JKAMP: variants seen among roughly 807,000 people sequenced by gnomAD.
JKAMP encodes JNK1/MAPK8-associated membrane protein.
In JKAMP, 20 loss-of-function variants were observed where a neutral mutation model predicts 40.2. The ratio of observed to expected loss-of-function variants is 0.50; its 90% CI spans 0.35 to 0.72. JKAMP has a LOEUF of 0.72. Ranked by LOEUF, JKAMP falls within the 30% of genes least tolerant of loss-of-function variation. The pLI, the probability that JKAMP is intolerant of heterozygous loss-of-function variation, is 0.01. For missense variants in JKAMP, 276 were observed against 373.0 expected, an observed-to-expected ratio of 0.74 and a Z score of 2.14; for synonymous variants, 138 against 131.6, an observed-to-expected ratio of 1.05 and a Z score of -0.33.
Position 59,495,242 on chromosome 14 carries a change from C to G in JKAMP, c.458+18C>G, listed in dbSNP as rs769810040. The G allele has an allele frequency of 6.6e-7, 1 of 1,510,936 alleles. No individual in the cohort carries two copies. Among genetic ancestry groups the G allele is most frequent in the South Asian group, 1.1e-5 (1 of 87,966 alleles). 93.6% of individuals were successfully genotyped at this position (1,510,936 alleles called of 1,614,324 possible). A position where few individuals can be genotyped will look rare whatever the true frequency, so the allele number is the denominator to read the frequency against. ...TACCCACTGTAAGTGTTTATTTCGACTTAAGATCATTGTTTTTTTTTAAAT... is the reference window on the plus strand; with the variant it reads ...TACCCACTGTAAGTGTTTATTTCGAGTTAAGATCATTGTTTTTTTTTAAAT... On this transcript the variant is annotated intron_variant, in intron 4 of 6. Transcript: ENST00000616435.
At chr14:59,490,233 T>G (rs79456433) in intron 3 of JKAMP, among the ~76,000 whole-genome samples, 9,470 of 152,212 alleles carry the variant, frequency 0.062, 391 homozygotes, top group Middle Eastern at 0.11. Context: ...CCAGGATCTT[T>G]TAAACAACCA....
intron 3 of JKAMP, among the ~76,000 whole-genome samples, chr14:59,488,882 AAAC>A (rs145700229): frequency 0.011 from 1,707 of 152,386 alleles, 29 homozygotes; most frequent in African/African-American, 0.039. Context: ...ACTAAAAACA[AAAC>A]AACAACAACA....
rs540232394 is a variant in JKAMP, at chr14:59,485,242, T to C, written c.4+649T>C. 2.1e-5 allele frequency: 21 copies of C among 977,616 alleles called. 1 individual carries two copies. In the South Asian group the frequency reaches 3.4e-4, roughly 16 times the overall value. 60.6% of individuals were successfully genotyped at this position (977,616 alleles called of 1,614,324 possible). ...AAGCATCTACTAGATGTAAAGCCCA[T>C]ACAGAAGTTTCCAATTCCTTACCTT... On this transcript the variant is annotated intron_variant, in intron 1 of 6. Transcript: ENST00000616435.
At chr14:59,502,557 A>G (rs1891959249) in intron 6 of JKAMP, among the ~76,000 whole-genome samples, 1 of 152,186 alleles carries the variant, frequency 6.6e-6, no homozygotes, top group Non-Finnish European at 1.5e-5. Flanking sequence ...GGAACTAGAC[A>G]GAATATTTTT....
intron 4 of JKAMP, among the ~76,000 whole-genome samples, chr14:59,496,379 G>A (rs1397250449): frequency 6.6e-6 from 1 of 151,534 alleles, no homozygotes; most frequent in Admixed American, 6.6e-5. Context: ...CTCTCCTAAG[G>A]CCTTGCATAA....
At chr14:59,492,654 C>G (rs1446958210) in intron 3 of JKAMP, among the ~76,000 whole-genome samples, 1 of 152,176 alleles carries the variant, frequency 6.6e-6, no homozygotes, top group African/African-American at 2.4e-5. Context: ...ACATTCTATC[C>G]TTATCAGGCT....
chr14:59,489,876 G>A (rs1031506158), intron 3 of JKAMP, among the ~76,000 whole-genome samples: 2 of 106,898 alleles, frequency 1.9e-5, no homozygotes, highest in African/African-American at 1.1e-4. Context: ...GGGGGAGGAG[G>A]TACCTCTTTC....
intron 3 of JKAMP, among the ~76,000 whole-genome samples, chr14:59,494,259 A>G (rs529147670): frequency 1.7e-5 from 2 of 118,926 alleles, no homozygotes; most frequent in South Asian, 2.2e-4. Context: ...AGGCTTCACA[A>G]AGAAAGTGAA....
chr14:59,503,767 A>C, intron 6 of JKAMP, 87 bp from the exon 7 acceptor site: 1 of 768,056 alleles, frequency 1.3e-6, no homozygotes, highest in South Asian at 1.9e-5. Flanking sequence ...TAAATAATAC[A>C]TTTTATATTA....
At chr14:59,501,086 T>G in intron 5 of JKAMP, 105 bp from the exon 6 acceptor site, 2 of 715,446 alleles carry the variant, frequency 2.8e-6, no homozygotes, top group Non-Finnish European at 4.6e-6. Flanking sequence ...CAGAACTGGT[T>G]GAGAAAGGAT....
At chr14:59,498,461 A>G (rs1677396004) in intron 4 of JKAMP, among the ~76,000 whole-genome samples, 2 of 152,262 alleles carry the variant, frequency 1.3e-5, no homozygotes, top group East Asian at 1.9e-4. Flanking sequence ...ATAAATTTCT[A>G]CAGGTAAAAT....
At chr14:59,493,542 A>G (rs1016935854) in intron 3 of JKAMP, among the ~76,000 whole-genome samples, 1 of 152,260 alleles carries the variant, frequency 6.6e-6, no homozygotes, top group Non-Finnish European at 1.5e-5. Flanking sequence ...TAATGGAAAC[A>G]GTGTTCAAGT....
intron 4 of JKAMP, among the ~76,000 whole-genome samples, chr14:59,495,691 C>T (rs1463680252): frequency 6.6e-6 from 1 of 152,086 alleles, no homozygotes; most frequent in Non-Finnish European, 1.5e-5. Context: ...GAATCAAATT[C>T]ATTTTGATAT....
In JKAMP at chr14:59,505,313, TCTCTG is replaced by T. The variant is rs780132973; in HGVS notation, c.*1242_*1246del. The T allele has an allele frequency of 8.9e-6, 13 of 1,458,764 alleles. No homozygotes were observed. The South Asian group carries it at 1.4e-4, about 16-fold the overall frequency. 90.4% of individuals were successfully genotyped at this position (1,458,764 alleles called of 1,614,324 possible). On this transcript the variant is annotated 3_prime_UTR_variant, in exon 7 of 7. Coordinates refer to ENST00000616435, the MANE Select transcript of JKAMP (RefSeq NM_016475.5). Reference sequence around the variant, plus strand: ...ACCCTTGTACGAATGTGTTTCTTCTTCTCTGTAGGAATAAAAAATAAATATAAAAA... The same window carrying T: ...ACCCTTGTACGAATGTGTTTCTTCTTTAGGAATAAAAAATAAATATAAAAA...
intron 1 of JKAMP, 170 bp downstream of exon 1, chr14:59,484,763 T>C: frequency 1.0e-6 from 1 of 975,722 alleles, no homozygotes; most frequent in South Asian, 1.6e-5. Flanking sequence ...GGGGTTGGGG[T>C]GGTCTGTCCG....
chr14:59,504,003 T>G lies in JKAMP; in HGVS notation c.867T>G (p.Leu289=). 6.2e-7 allele frequency: 1 copy of G among 1,613,782 alleles called. No homozygotes were observed. The highest frequency in any genetic ancestry group is 8.5e-7 in the Non-Finnish European group (1 of 1,179,746). The change falls in exon 7 of 7, where the codon CTT becomes CTG. Residue 289 remains leucine, a synonymous_variant. Transcript: ENST00000616435. The stretch of plus-strand genomic sequence containing the variant: ...TGGCTTTGGTACCTACACCAGCCCT[T>G]TTTTACTTGTTCACTGCAAAATTTA... The part of the protein sequence containing the change: ...PLLALVPTPA[L]FYLFTAKFTE...
At chr14:59,489,859 G>A (rs2139867156) in intron 3 of JKAMP, among the ~76,000 whole-genome samples, 1 of 149,018 alleles carries the variant, frequency 6.7e-6, no homozygotes, top group Middle Eastern at 3.4e-3. Flanking sequence ...GGAACCACAT[G>A]GTGATAGGGG....
At chr14:59,489,529 G>A (rs1006706719) in intron 3 of JKAMP, among the ~76,000 whole-genome samples, 1 of 152,148 alleles carries the variant, frequency 6.6e-6, no homozygotes, top group Non-Finnish European at 1.5e-5. Context: ...GATGTTCCAC[G>A]CTTTCCCTCA....
rs1891642698 is a variant in JKAMP, at chr14:59,498,865, C to T, written c.597C>T (p.Phe199=). The T allele has an allele frequency of 1.2e-6, 2 of 1,611,668 alleles. No individual in the cohort carries two copies. The highest frequency in any genetic ancestry group is 2.2e-5 in the East Asian group (1 of 44,802). ...GTATTTATGCTGCACTTTACTTCTT[C>T]CCAATTTTAACCGTGCTTCAGGCAG... ...FKSIYAALYF[F]PILTVLQAVG... is the part of the protein sequence containing the mutation. The change falls in exon 5 of 7, where the codon TTC becomes TTT. Residue 199 remains phenylalanine, a synonymous_variant. Transcript: ENST00000616435.
Sources: gnomAD v4.1 joint callset for allele counts (sites outside exome capture counted in the v4.1 genomes callset) on GRCh38, gnomAD v4.1.1 for gene constraint, MANE v1.5 for transcripts, NCBI Gene and HGNC (gene_info 2026-07-23, HGNC 2026-07-21) for gene names.